Variants in SLC47A2 observed in about 807,000 individuals in gnomAD.
SLC47A2 encodes the protein solute carrier family 47 member 2.
In SLC47A2, 52 loss-of-function variants were observed where a neutral mutation model predicts 67.7. The ratio of observed to expected loss-of-function variants is 0.77; its 90% confidence interval spans 0.61 to 0.97. The LOEUF is 0.97. Ranked by LOEUF, SLC47A2 falls within the 50% of genes least tolerant of loss-of-function variation. The probability of loss-of-function intolerance (pLI) is 0.00; values close to 1 mark genes in which losing one functional copy is unlikely to be tolerated. For missense variants in SLC47A2, 676 were observed against 712.3 expected, an observed-to-expected ratio of 0.95 and a Z score of 0.58; for synonymous variants, 278 against 292.9, an observed-to-expected ratio of 0.95 and a Z score of 0.52.
chr17:19,712,814 T>C, intron 4 of SLC47A2, 69 bp from the exon 5 acceptor site: 6 of 1,491,578 alleles, frequency 4.0e-6, no homozygotes, highest in Non-Finnish European at 5.5e-6. Context: ...CTCTCCCCTG[T>C]GTCCTCCAGG....
In SLC47A2 at chr17:19,713,915, A is replaced by C. The variant is rs374762995; in HGVS notation, c.353T>G (p.Val118Gly). ...GCAAGGGAGGCAGCAGAGGAGCAGG[A>C]CCAGCGCGCCCCGCTGCAGGATCAC... ...VGVILQRGAL[V>G]LLLCCLPCWA... The change falls in exon 4 of 17, where the codon GTC (valine) becomes GGC (glycine). Residue 118 changes from valine to glycine, a missense_variant. Physicochemically the swap from Val to Gly is moderately radical, Grantham distance 109. Coordinates refer to ENST00000433844, the MANE Select transcript of SLC47A2 (RefSeq NM_001099646.3). The C allele has an allele frequency of 6.2e-7, 1 of 1,613,718 alleles. No homozygotes were observed.
chr17:19,700,079 A>G (rs1331765341), intron 13 of SLC47A2, among the ~76,000 whole-genome samples: 1 of 152,216 alleles, frequency 6.6e-6, no homozygotes, highest in Non-Finnish European at 1.5e-5. Flanking sequence ...GACAGAAAGC[A>G]ATGCAGTGGA....
chr17:19,689,578 T>C (rs1045366844), intron 13 of SLC47A2, among the ~76,000 whole-genome samples: 1 of 151,666 alleles, frequency 6.6e-6, no homozygotes, highest in African/African-American at 2.4e-5. Context: ...GCACCCATGG[T>C]CCCAGCTACT....
chr17:19,710,415 A>C (rs1420252701), intron 5 of SLC47A2, among the ~76,000 whole-genome samples: 2 of 152,168 alleles, frequency 1.3e-5, no homozygotes, highest in African/African-American at 4.8e-5. Flanking sequence ...GAAGGGTCCA[A>C]AAAAGTATAA....
chr17:19,694,688 C>T (rs996779428), intron 13 of SLC47A2, among the ~76,000 whole-genome samples: 5 of 152,096 alleles, frequency 3.3e-5, no homozygotes, highest in Admixed American at 6.5e-5. Flanking sequence ...GAGGCCAAGG[C>T]GGGTGGATCA....
chr17:19,690,046 C>T (rs1185152216), intron 13 of SLC47A2, among the ~76,000 whole-genome samples: 1 of 152,254 alleles, frequency 6.6e-6, no homozygotes, highest in Middle Eastern at 3.4e-3. Flanking sequence ...GTAACCAAAA[C>T]AGCATAGTAC....
chr17:19,704,310 G>A lies in SLC47A2; in HGVS notation c.910-132C>T, dbSNP rs1597622505. 2.1e-5 allele frequency: 15 copies of A among 706,658 alleles called. No homozygotes were observed. The Middle Eastern group carries it at 7.3e-4, about 35-fold the overall frequency. 43.8% of individuals were successfully genotyped at this position (706,658 alleles called of 1,614,324 possible). On this transcript the variant is annotated intron_variant, in intron 10 of 16. Transcript: ENST00000433844. ...CTCAGGCATGCAGTGTAAGAGGCAC[G>A]TCACATTCTTGCTGCTGACAATGAG...
At position 19,695,470 on chromosome 17, in the gene SLC47A2, G is replaced by A. The variant is rs553613540; in HGVS notation, c.1164+7135C>T. 4.3e-5 allele frequency among the ~76,000 whole-genome samples: 5 copies of A among 115,828 alleles called. No homozygotes were observed. In the South Asian group the frequency reaches 1.5e-3, roughly 34 times the overall value. 76.0% of individuals were successfully genotyped at this position (115,828 alleles called of 152,430 possible). A position where few individuals can be genotyped will look rare whatever the true frequency, so the allele number is the denominator to read the frequency against. ...TGCACTCCAGCCTGGGCAACAGAGTGAGACCTGTCTTAAAAAAAAAACAAA... is the reference window on the plus strand; with the variant it reads ...TGCACTCCAGCCTGGGCAACAGAGTAAGACCTGTCTTAAAAAAAAAACAAA... On this transcript the variant is annotated intron_variant, in intron 13 of 16. Coordinates refer to ENST00000433844, the MANE Select transcript of SLC47A2 (RefSeq NM_001099646.3).
At chr17:19,698,105 T>G (rs1209409171) in intron 13 of SLC47A2, among the ~76,000 whole-genome samples, 1 of 152,142 alleles carries the variant, frequency 6.6e-6, no homozygotes, top group Non-Finnish European at 1.5e-5. Context: ...ACAAACTGAT[T>G]CTAAAGCTTA....
At position 19,713,934 on chromosome 17, in the gene SLC47A2, G is replaced by A; in HGVS notation, c.334C>T (p.Leu112=). The change falls in exon 4 of 17, where the codon CTG becomes TTG. Residue 112 remains leucine (L), a synonymous_variant. Coordinates refer to ENST00000433844, the MANE Select transcript of SLC47A2 (RefSeq NM_001099646.3). Reference sequence around the variant, plus strand: ...AGCAGGACCAGCGCGCCCCGCTGCAGGATCACGCCCACGTGCTTCTTGTTG... The same window carrying A: ...AGCAGGACCAGCGCGCCCCGCTGCAAGATCACGCCCACGTGCTTCTTGTTG... ...SPNKKHVGVI[L]QRGALVLLLC... is the part of the protein sequence containing the mutation. The A allele has an allele frequency of 6.2e-7, 1 of 1,613,584 alleles. No individual in the cohort carries two copies. The highest frequency in any genetic ancestry group is 1.7e-5 in the Admixed American group (1 of 59,998).
chr17:19,683,935 G>T lies in SLC47A2; in HGVS notation c.1165-2265C>A, dbSNP rs529300000. Among the ~76,000 whole-genome samples the T allele has an allele frequency of 5.9e-5, 9 of 152,354 alleles. No homozygotes were observed. In the South Asian group the frequency reaches 1.9e-3, roughly 32 times the overall value. The stretch of plus-strand genomic sequence containing the variant: ...AACTGAGCAAGAGACATCAGCAGCT[G>T]TACATTGTAGAGGAGACAGGAGTCA... On this transcript the variant is annotated intron_variant, in intron 13 of 16. Transcript: ENST00000433844.
At chr17:19,703,278 C>A in intron 11 of SLC47A2, 111 bp from the exon 12 acceptor site, 1 of 921,084 alleles carries the variant, frequency 1.1e-6, no homozygotes, top group South Asian at 1.4e-5. Flanking sequence ...CAGCCCTCTG[C>A]AACCAGGTGC....
intron 16 of SLC47A2, among the ~76,000 whole-genome samples, chr17:19,679,192 G>C (rs1012036329): frequency 6.6e-6 from 1 of 152,182 alleles, no homozygotes; most frequent in Non-Finnish European, 1.5e-5. Context: ...GTGATGATCT[G>C]TGGCTTCAAA....
At chr17:19,715,281 A>T (rs2086223238) in intron 1 of SLC47A2, 64 bp from the exon 2 acceptor site, 2 of 1,464,420 alleles carry the variant, frequency 1.4e-6, no homozygotes, top group African/African-American at 2.8e-5. Context: ...GCCCTGCAAG[A>T]CAGGCCTCTC....
intron 13 of SLC47A2, among the ~76,000 whole-genome samples, chr17:19,683,156 T>C (rs1421586833): frequency 6.6e-6 from 1 of 152,192 alleles, no homozygotes; most frequent in Non-Finnish European, 1.5e-5. Flanking sequence ...CAAATTATGA[T>C]TGATGTACCC....
chr17:19,708,752 A>G lies in SLC47A2; in HGVS notation c.495T>C (p.Phe165=), dbSNP rs1330729735. 2.0e-5 allele frequency: 32 copies of G among 1,613,900 alleles called. No individual in the cohort carries two copies. Among genetic ancestry groups the G allele is most frequent in the Non-Finnish European group, 2.7e-5 (32 of 1,180,046 alleles). ...AATATTTTGCCAGCAGATTGTAAAG[A>G]AAAATCACCTGTATGAAAAGCAAAC... ...MIFIPGLPVI[F]LYNLLAKYLQ... is the part of the protein sequence containing the mutation. Residue 165 remains phenylalanine, a synonymous_variant, in exon 6 of 17, where the codon TTT becomes TTC. Transcript: ENST00000433844.
At position 19,691,809 on chromosome 17, in the gene SLC47A2, G is replaced by T. The variant is rs184740206; in HGVS notation, c.1165-10139C>A. On this transcript the variant is annotated intron_variant, in intron 13 of 16. Transcript: ENST00000433844. ...AGGTGATGAAAACCCCATTTATCCT[G>T]ATTATTAGGCATTGCATGCCTTATC... Among the ~76,000 whole-genome samples, 5 of 152,266 alleles carry T rather than the reference G, an allele frequency of 3.3e-5. No homozygotes were observed. The East Asian group carries it at 7.7e-4, about 23-fold the overall frequency.
intron 13 of SLC47A2, among the ~76,000 whole-genome samples, chr17:19,682,761 G>A (rs1001316849): frequency 6.6e-6 from 1 of 152,214 alleles, no homozygotes; most frequent in Admixed American, 6.5e-5. Flanking sequence ...ACCATGCATG[G>A]CAAACAGTGG....
At position 19,716,473 on chromosome 17, in the gene SLC47A2, C is replaced by T; in HGVS notation, c.83G>A (p.Gly28Glu). The change falls in exon 1 of 17, where the codon GGG (glycine) becomes GAG (glutamate). Residue 28 changes from glycine to glutamate, a missense_variant. By Grantham distance (98) the Gly-to-Glu change is moderately conservative (BLOSUM62 -2). Coordinates refer to ENST00000433844, the MANE Select transcript of SLC47A2 (RefSeq NM_001099646.3). ...GGCAAAGAGAGTCCACATCTCAGTCCCAAAGCCTCTGGGAACCAGCCTGCT... is the reference window on the plus strand; with the variant it reads ...GGCAAAGAGAGTCCACATCTCAGTCTCAAAGCCTCTGGGAACCAGCCTGCT... Reference protein sequence around the residue: ...ALSRLVPRGFGTEMWTLFALS... With the variant: ...ALSRLVPRGFETEMWTLFALS... The T allele has an allele frequency of 6.2e-7, 1 of 1,612,620 alleles. No individual in the cohort carries two copies. Among genetic ancestry groups the T allele is most frequent in the Non-Finnish European group, 8.5e-7 (1 of 1,179,428 alleles).
Sources: gnomAD v4.1 joint callset for allele counts (sites outside exome capture counted in the v4.1 genomes callset) on GRCh38, gnomAD v4.1.1 for gene constraint, MANE v1.5 for transcripts, NCBI Gene and HGNC (gene_info 2026-07-23, HGNC 2026-07-21) for gene names.